TTN: variants seen among roughly 807,000 people sequenced by gnomAD.
The protein encoded by TTN is connectin.
TTN carries 1,525 observed loss-of-function variants against 3,223.0 expected under a neutral mutation model. The observed-to-expected ratio is 0.47, with a 90% CI of 0.45 to 0.49. The LOEUF (loss-of-function observed/expected upper bound fraction) is 0.49. Ranked by LOEUF, TTN falls within the 20% of genes least tolerant of loss-of-function variation. The pLI is 0.00. For missense variants in TTN, 40,786 were observed against 43,424.0 expected, an observed-to-expected ratio of 0.94 and a Z score of 5.40; for synonymous variants, 14,094 against 15,161.0, an observed-to-expected ratio of 0.93 and a Z score of 5.17.
chr2:178,693,877 T>C lies in TTN; in HGVS notation c.31513+45A>G, dbSNP rs767821363. 1.9e-6 allele frequency: 3 copies of C among 1,562,590 alleles called. No individual in the cohort carries two copies. The East Asian group carries it at 6.7e-5, about 35-fold the overall frequency. ...ACAACAAGAGGGATAAAAATCTGCCTAAAACCCTTCCATTTGAGCCCCCAC... is the reference window on the plus strand; with the variant it reads ...ACAACAAGAGGGATAAAAATCTGCCCAAAACCCTTCCATTTGAGCCCCCAC... On this transcript the variant is annotated intron_variant, in intron 118 of 362. Transcript: ENST00000589042.
intron 44 of TTN, 25 bp downstream of exon 44, chr2:178,758,959 G>A (rs780811726): frequency 4.4e-6 from 7 of 1,606,962 alleles, no homozygotes; most frequent in South Asian, 3.3e-5. Context: ...ATTTAAATGG[G>A]GTTCTGAAAG....
chr2:178,598,412 CA>C, intron 292 of TTN, 93 bp downstream of exon 292: 1 of 1,441,642 alleles, frequency 6.9e-7, no homozygotes, highest in Non-Finnish European at 9.3e-7. Context: ...TTTCTTAATC[CA>C]AAAAGTATAG....
Position 178,714,140 on chromosome 2 carries a change from T to G in TTN, c.26518A>C (p.Lys8840Gln). 1 of 1,613,226 alleles carries G rather than the reference T, an allele frequency of 6.2e-7. No homozygotes were observed. Among genetic ancestry groups the G allele is most frequent in the Non-Finnish European group, 8.5e-7 (1 of 1,179,508 alleles). Residue 8840 changes from lysine (K) to glutamine (Q), a missense_variant, in exon 92 of 363, where the codon AAA becomes CAA. Lys to Gln is a moderately conservative substitution (Grantham distance 53). Transcript: ENST00000589042. ...GTACAGGTGTCTCCCGTGGTAACTT[T>G]TATGGATTCTGGCTTTTCTACAATT... ...ATIVEKPESI[K>Q]VTTGDTCTLE...
chr2:178,733,130 T>A lies in TTN; in HGVS notation c.16055-9A>T. 6.3e-7 allele frequency: 1 copy of A among 1,576,980 alleles called. No homozygotes were observed. Among genetic ancestry groups the A allele is most frequent in the South Asian group, 1.2e-5 (1 of 83,922 alleles). ...TGGAGCAATGTCTCGATCTGTGTGT[T>A]GCACAAGAAGGGAGAAAAGGTCAAT... On this transcript the variant is annotated splice_polypyrimidine_tract_variant and intron_variant, in intron 54 of 362. Coordinates refer to ENST00000589042, the MANE Select transcript of TTN (RefSeq NM_001267550.2).
Position 178,532,942 on chromosome 2 carries a change from C to G in TTN, c.103673G>C (p.Arg34558Pro). ...AGACATGGGCACGAACTGCTTGATGCGTTGGTCTTCTTCTATGGTAGTCTG... is the reference window on the plus strand; with the variant it reads ...AGACATGGGCACGAACTGCTTGATGGGTTGGTCTTCTTCTATGGTAGTCTG... The part of the protein sequence containing the change: ...YKQTTIEEDQ[R>P]IKQFVPMSDM... Residue 34558 changes from arginine to proline, a missense_variant, in exon 358 of 363, where the codon CGC becomes CCC. By Grantham distance (103) the Arg-to-Pro change is moderately radical (BLOSUM62 -2). Coordinates refer to ENST00000589042, the MANE Select transcript of TTN (RefSeq NM_001267550.2). 1 of 1,613,840 alleles carries G rather than the reference C, an allele frequency of 6.2e-7. No homozygotes were observed.
chr2:178,691,870 T>A, intron 121 of TTN, 146 bp downstream of exon 121: 1 of 555,618 alleles, frequency 1.8e-6, no homozygotes, highest in Non-Finnish European at 3.1e-6. Context: ...GTCAAGAGCA[T>A]GGCACGGAAG....
Position 178,607,076 on chromosome 2 carries a change from C to G in TTN, c.53526G>C (p.Lys17842Asn). Residue 17842 changes from lysine to asparagine, a missense_variant, in exon 278 of 363, where the codon AAG becomes AAC. Coordinates refer to ENST00000589042, the MANE Select transcript of TTN (RefSeq NM_001267550.2). ...TTTCAACAGGAGGGCCACAGCCAAA[C>G]TTGTTCTTGGCAATAACACGGAACT... ...EYKFRVIAKN[K>N]FGCGPPVEIG... 6.2e-7 allele frequency: 1 copy of G among 1,612,152 alleles called. No individual in the cohort carries two copies. The highest frequency in any genetic ancestry group is 8.5e-7 in the Non-Finnish European group (1 of 1,179,030).
chr2:178,550,519 G>A (rs1698981338), intron 336 of TTN: 2 of 483,530 alleles, frequency 4.1e-6, no homozygotes, highest in Admixed American at 7.6e-5. Context: ...TTTGTAAAAA[G>A]GAAAGTGAAA....
Position 178,582,573 on chromosome 2 carries a change from T to C in TTN, c.65883A>G (p.Ala21961=), listed in dbSNP as rs757234856. The change falls in exon 314 of 363, where the codon GCA becomes GCG. Residue 21961 remains alanine, a synonymous_variant. Coordinates refer to ENST00000589042, the MANE Select transcript of TTN (RefSeq NM_001267550.2). Reference sequence around the variant, plus strand: ...AATACATTTTGTTGATTTTAACAGATGCTGGAGGACCCGGTTTATCTGAAG... The same window carrying C: ...AATACATTTTGTTGATTTTAACAGACGCTGGAGGACCCGGTTTATCTGAAG... ...LKVLDKPGPP[A]SVKINKMYSD... 1.2e-6 allele frequency: 2 copies of C among 1,609,486 alleles called. No homozygotes were observed. Among genetic ancestry groups the C allele is most frequent in the Non-Finnish European group, 1.7e-6 (2 of 1,177,020 alleles).
At position 178,739,349 on chromosome 2, in the gene TTN, G is replaced by A. The variant is rs183328495; in HGVS notation, c.13884C>T (p.Ser4628=). ...EEGDIVHLTT[S]ITNAKEVNWY... ...AATTCACCTCTTTAGCATTTGTTAT[G>A]GATGTTGTGAGGTGTACAATATCAC... Residue 4628 remains serine (S), a synonymous_variant, in exon 48 of 363, where the codon TCC becomes TCT. Transcript: ENST00000589042. The A allele has an allele frequency of 2.8e-5, 45 of 1,613,784 alleles. No homozygotes were observed. In the African/African-American group the frequency reaches 3.7e-4, roughly 13 times the overall value.
At position 178,720,587 on chromosome 2, in the gene TTN, A is replaced by C. The variant is rs1270184889; in HGVS notation, c.23175T>G (p.Ile7725Met). ...KGSDVILQCE[I>M]SGTPPFEVVW... ...CTACTTCAAATGGGGGAGTTCCCGAAATTTCACATTGGAGAATCACATCAG... is the reference window on the plus strand; with the variant it reads ...CTACTTCAAATGGGGGAGTTCCCGACATTTCACATTGGAGAATCACATCAG... The change falls in exon 80 of 363, where the codon ATT becomes ATG. Residue 7725 changes from isoleucine to methionine, a missense_variant. Physicochemically the swap from Ile to Met is conservative, Grantham distance 10. Coordinates refer to ENST00000589042, the MANE Select transcript of TTN (RefSeq NM_001267550.2). 6.2e-7 allele frequency: 1 copy of C among 1,613,376 alleles called. No homozygotes were observed. Among genetic ancestry groups the C allele is most frequent in the Non-Finnish European group, 8.5e-7 (1 of 1,179,566 alleles).
Position 178,527,823 on chromosome 2 carries a change from GA to G in TTN, c.107378-76del. 6 of 1,406,538 alleles carry G rather than the reference GA, an allele frequency of 4.3e-6. 1 individual carries two copies. The South Asian group carries it at 8.9e-5, about 21-fold the overall frequency. 87.1% of individuals were successfully genotyped at this position (1,406,538 alleles called of 1,614,324 possible). A position where few individuals can be genotyped will look rare whatever the true frequency, so the allele number is the denominator to read the frequency against. On this transcript the variant is annotated intron_variant, in intron 361 of 362. Transcript: ENST00000589042. The stretch of plus-strand genomic sequence containing the variant: ...TGATGACATATGACGCTGACTTACA[GA>G]AATGGAAACTTCAACACACACACAG...
At chr2:178,705,152 T>C in intron 103 of TTN, 22 bp downstream of exon 103, 1 of 1,603,568 alleles carries the variant, frequency 6.2e-7, no homozygotes, top group South Asian at 1.1e-5. Flanking sequence ...TTTAGCATGA[T>C]GCTATATATG....
Position 178,795,184 on chromosome 2 carries a change from C to T in TTN, c.983G>A (p.Arg328His), listed in dbSNP as rs766680186. 6.2e-6 allele frequency: 10 copies of T among 1,613,986 alleles called. No individual in the cohort carries two copies. The highest frequency in any genetic ancestry group is 2.7e-5 in the African/African-American group (2 of 74,898). ...GGCCACGGTGGATGCCTGAGTCTTA[C>T]GCATGAGCAATGGAGACCTAACAGA... ...IRSVRSPLLM[R>H]KTQASTVATG... is the part of the protein sequence containing the mutation. The change falls in exon 7 of 363, where the codon CGT (arginine) becomes CAT (histidine). Residue 328 changes from arginine to histidine, a missense_variant. By Grantham distance (29) the Arg-to-His change is conservative. Coordinates refer to ENST00000589042, the MANE Select transcript of TTN (RefSeq NM_001267550.2).
intron 47 of TTN, chr2:178,750,155 TGAA>T: frequency 6.2e-7 from 1 of 1,613,174 alleles, no homozygotes; most frequent in Non-Finnish European, 8.5e-7. Context: ...TTTTAACAAA[TGAA>T]GATTTGTTTG....
intron 256 of TTN, 33 bp from the exon 257 acceptor site, chr2:178,616,663 A>G (rs1425652729): frequency 2.5e-6 from 4 of 1,612,142 alleles, no homozygotes; most frequent in Non-Finnish European, 3.4e-6. Context: ...GTCACTGTTA[A>G]TAGTCTGAAC....
chr2:178,712,150 T>C lies in TTN; in HGVS notation c.27680A>G (p.Gln9227Arg), dbSNP rs1262905911. ...SVGDSASLQC[Q>R]LAGTPEIGVS... is the part of the protein sequence containing the mutation. Reference sequence around the variant, plus strand: ...CCCAATTTCAGGGGTTCCAGCAAGCTGGCATTGTAGAGAGGCAGAATCTCC... The same window carrying C: ...CCCAATTTCAGGGGTTCCAGCAAGCCGGCATTGTAGAGAGGCAGAATCTCC... The change falls in exon 96 of 363, where the codon CAG (glutamine) becomes CGG (arginine). Residue 9227 changes from glutamine (Q) to arginine (R), a missense_variant. Gln to Arg is a conservative substitution (Grantham distance 43). Coordinates refer to ENST00000589042, the MANE Select transcript of TTN (RefSeq NM_001267550.2). The C allele has an allele frequency of 1.1e-5, 18 of 1,613,826 alleles. No homozygotes were observed. The highest frequency in any genetic ancestry group is 1.5e-5 in the Non-Finnish European group (18 of 1,179,790).
chr2:178,587,467 TAAC>T, intron 306 of TTN, 46 bp downstream of exon 306: 1 of 1,602,948 alleles, frequency 6.2e-7, no homozygotes, highest in Non-Finnish European at 8.5e-7. Context: ...GCATCCCTAT[TAAC>T]AAATTCATTT....
intron 99 of TTN, 85 bp from the exon 100 acceptor site, chr2:178,707,898 T>C: frequency 6.9e-7 from 1 of 1,451,440 alleles, no homozygotes; most frequent in Non-Finnish European, 9.2e-7. Flanking sequence ...AGAGAAAAAC[T>C]GGCCTCTAAC....
Sources: allele counts gnomAD v4.1 joint callset, GRCh38; gene constraint gnomAD v4.1.1; transcripts MANE v1.5; gene names NCBI Gene and HGNC (gene_info 2026-07-23, HGNC 2026-07-21).